Variants in NALF1 observed in about 807,000 individuals in gnomAD.
NALF1 encodes the protein family with sequence similarity 155 member A.
Under a neutral mutation model 48.4 loss-of-function variants are expected in NALF1, and 3 were observed. That is an observed-to-expected ratio of 0.06 (90% CI 0.03 to 0.16). The LOEUF (loss-of-function observed/expected upper bound fraction) is 0.16, where lower values mean the gene tolerates loss of function less well. Among genes scored for constraint, NALF1 ranks in the 10% least tolerant of loss-of-function variants. The pLI, the probability that NALF1 is intolerant of heterozygous loss-of-function variation, is 1.00. For missense variants in NALF1, 526 were observed against 571.5 expected (o/e 0.92, Z 0.81); for synonymous variants, 262 against 245.7 (o/e 1.07, Z -0.62).
At chr13:107,673,117 C>A (rs929325177) in intron 1 of NALF1, among the ~76,000 whole-genome samples, 4 of 152,112 alleles carry the variant, frequency 2.6e-5, no homozygotes, top group African/African-American at 7.2e-5. Flanking sequence ...TGTATGGGTG[C>A]GGCTGCATGT....
intron 1 of NALF1, among the ~76,000 whole-genome samples, chr13:107,380,643 A>C (rs909238742): frequency 6.6e-6 from 1 of 152,170 alleles, no homozygotes; most frequent in African/African-American, 2.4e-5. Context: ...TTTGAAGGAA[A>C]AGATAAAAGA....
At chr13:107,720,868 T>C (rs548823606) in intron 1 of NALF1, among the ~76,000 whole-genome samples, 1 of 152,302 alleles carries the variant, frequency 6.6e-6, no homozygotes, top group East Asian at 1.9e-4. Context: ...AAAGGTTGCA[T>C]ATATGCATTT....
intron 1 of NALF1, among the ~76,000 whole-genome samples, chr13:107,438,430 C>T (rs2139023718): frequency 6.6e-6 from 1 of 152,126 alleles, no homozygotes; most frequent in South Asian, 2.1e-4. Flanking sequence ...CCAAATTGCC[C>T]TAGAAACAGA....
intron 1 of NALF1, among the ~76,000 whole-genome samples, chr13:107,221,478 G>T (rs1879992628): frequency 1.3e-5 from 2 of 152,134 alleles, no homozygotes; most frequent in South Asian, 4.1e-4. Context: ...TACTTGGGAG[G>T]CTGAGGCAGG....
Position 107,165,571 on chromosome 13 carries a change from G to C in NALF1, c.*4926C>G, listed in dbSNP as rs1268142805. ...AACCATAGTTCATATTTTGTTTCAT[G>C]CCTTAAGTTTTATTCCAAGGCTAAG... On this transcript the variant is annotated 3_prime_UTR_variant, in exon 3 of 3. Transcript: ENST00000375915. 1 of 152,152 alleles carries C rather than the reference G, an allele frequency of 6.6e-6. No homozygotes were observed. Among genetic ancestry groups the C allele is most frequent in the Non-Finnish European group, 1.5e-5 (1 of 68,006 alleles). The allele number at this position is 152,152 out of a possible 1,614,324, so 9.4% of individuals were successfully genotyped here. A position where few individuals can be genotyped will look rare whatever the true frequency, so the allele number is the denominator to read the frequency against.
chr13:107,411,198 G>A (rs1293428241), intron 1 of NALF1, among the ~76,000 whole-genome samples: 1 of 152,106 alleles, frequency 6.6e-6, no homozygotes, highest in East Asian at 1.9e-4. Flanking sequence ...GTTTAAGAAA[G>A]GTTGTGGATT....
chr13:107,721,995 T>C (rs1876001063), intron 1 of NALF1, among the ~76,000 whole-genome samples: 1 of 152,170 alleles, frequency 6.6e-6, no homozygotes, highest in Non-Finnish European at 1.5e-5. Flanking sequence ...CCCTCTTGCC[T>C]TTGAGTTTAA....
chr13:107,575,138 A>G (rs1878100804), intron 1 of NALF1, among the ~76,000 whole-genome samples: 1 of 152,154 alleles, frequency 6.6e-6, no homozygotes, highest in Admixed American at 6.5e-5. Flanking sequence ...ACACTGGAAA[A>G]TTAGGATGAT....
At chr13:107,597,462 G>A (rs1312818496) in intron 1 of NALF1, among the ~76,000 whole-genome samples, 1 of 152,000 alleles carries the variant, frequency 6.6e-6, no homozygotes. Flanking sequence ...TTTATATAAT[G>A]ACAGTGACAA....
intron 1 of NALF1, among the ~76,000 whole-genome samples, chr13:107,693,564 T>C (rs1472922118): frequency 6.6e-6 from 1 of 151,776 alleles, no homozygotes; most frequent in East Asian, 1.9e-4. Flanking sequence ...TCTGCCACGC[T>C]TATTAGGTGA....
intron 1 of NALF1, among the ~76,000 whole-genome samples, chr13:107,839,327 T>C (rs150555761): frequency 3.0e-4 from 45 of 149,174 alleles, no homozygotes; most frequent in African/African-American, 1.1e-3. Flanking sequence ...CAGACTCCAA[T>C]CTTTTATCAC....
chr13:107,486,050 T>A (rs1885324664), intron 1 of NALF1, among the ~76,000 whole-genome samples: 1 of 152,252 alleles, frequency 6.6e-6, no homozygotes, highest in Admixed American at 6.5e-5. Context: ...TTTATGTATA[T>A]CTTCCTCCAC....
intron 1 of NALF1, among the ~76,000 whole-genome samples, chr13:107,486,065 C>A (rs1428607142): frequency 6.6e-6 from 1 of 152,226 alleles, no homozygotes. Flanking sequence ...CTCCACCTCC[C>A]ACCCTTCTAA....
chr13:107,599,405 G>C (rs1280617154), intron 1 of NALF1, among the ~76,000 whole-genome samples: 1 of 143,554 alleles, frequency 7.0e-6, no homozygotes, highest in Non-Finnish European at 1.5e-5. Flanking sequence ...CGGGGCAACA[G>C]AGCGAGACTC....
chr13:107,334,221 A>T (rs1177323732), intron 1 of NALF1, among the ~76,000 whole-genome samples: 3 of 152,234 alleles, frequency 2.0e-5, no homozygotes, highest in African/African-American at 7.2e-5. Flanking sequence ...GCATAGAGGG[A>T]CATCATTTTA....
chr13:107,627,939 A>C (rs913213889), intron 1 of NALF1, among the ~76,000 whole-genome samples: 3 of 152,092 alleles, frequency 2.0e-5, no homozygotes, highest in Admixed American at 1.3e-4. Flanking sequence ...ATAAATAAAA[A>C]ATTTAATGAC....
At chr13:107,389,561 C>A (rs1883586875) in intron 1 of NALF1, among the ~76,000 whole-genome samples, 1 of 152,164 alleles carries the variant, frequency 6.6e-6, no homozygotes, top group Admixed American at 6.5e-5. Flanking sequence ...TTGAGACAAT[C>A]ATTTTCTGTT....
At chr13:107,491,875 A>G (rs927502538) in intron 1 of NALF1, among the ~76,000 whole-genome samples, 2 of 152,104 alleles carry the variant, frequency 1.3e-5, no homozygotes, top group African/African-American at 4.8e-5. Context: ...AAGAGAGGAA[A>G]TAATAGGATC....
At chr13:107,580,945 T>A in intron 1 of NALF1, among the ~76,000 whole-genome samples, 1 of 152,080 alleles carries the variant, frequency 6.6e-6, no homozygotes, top group East Asian at 1.9e-4. Context: ...CCCTTGTCGG[T>A]GCCAGTCTGA....
Sources: allele counts gnomAD v4.1 joint callset (sites outside exome capture counted in the v4.1 genomes callset), GRCh38; gene constraint gnomAD v4.1.1; transcripts MANE v1.5; gene names NCBI Gene and HGNC (gene_info 2026-07-23, HGNC 2026-07-21).